Variants in EPN2 observed in about 807,000 individuals in gnomAD.
The protein encoded by EPN2 is epsin 2, also known as epsin-2.
Under a neutral mutation model 61.7 loss-of-function variants are expected in EPN2, and 34 were observed. The observed-to-expected ratio is 0.55, with a 90% CI of 0.42 to 0.73. The LOEUF is 0.73. Ranked by LOEUF, EPN2 falls within the 30% of genes least tolerant of loss-of-function variation. The probability of loss-of-function intolerance (pLI) is 0.00; values close to 1 mark genes in which losing one functional copy is unlikely to be tolerated. For missense variants in EPN2, 714 were observed against 839.2 expected, an observed-to-expected ratio of 0.85 and a Z score of 1.84; for synonymous variants, 349 against 353.6, an observed-to-expected ratio of 0.99 and a Z score of 0.15.
At chr17:19,294,523 C>A (rs548316293) in intron 4 of EPN2, among the ~76,000 whole-genome samples, 1 of 152,156 alleles carries the variant, frequency 6.6e-6, no homozygotes, top group Non-Finnish European at 1.5e-5. Context: ...TTTTAAGGAT[C>A]CTTTGTAGTA....
At chr17:19,329,866 C>G (rs1218949342) in intron 9 of EPN2, among the ~76,000 whole-genome samples, 2 of 152,208 alleles carry the variant, frequency 1.3e-5, no homozygotes, top group African/African-American at 4.8e-5. Context: ...GTTAGGATCC[C>G]CAAAGCTTCC....
chr17:19,272,696 A>G (rs1173254203), intron 1 of EPN2, among the ~76,000 whole-genome samples: 10 of 152,170 alleles, frequency 6.6e-5, no homozygotes, highest in Admixed American at 5.9e-4. Flanking sequence ...GCTGTTCATA[A>G]TTTGGTCATT....
chr17:19,319,656 A>AT lies in EPN2; in HGVS notation c.1147+6386dup, dbSNP rs553299482. Among the ~76,000 whole-genome samples the AT allele has an allele frequency of 4.9e-4, 64 of 131,384 alleles. 2 individuals carry two copies. The South Asian group carries it at 0.013, about 27-fold the overall frequency. 86.2% of individuals were successfully genotyped at this position (131,384 alleles called of 152,430 possible). ...CCTTTTTTTTTTATTTTTTATTTTT[A>AT]TTTTTTTTTGAGAGAAGGTTTCCCT... On this transcript the variant is annotated intron_variant, in intron 7 of 10. Coordinates refer to ENST00000314728, the MANE Select transcript of EPN2 (RefSeq NM_014964.5).
intron 1 of EPN2, among the ~76,000 whole-genome samples, chr17:19,249,862 G>A (rs1533034): frequency 6.6e-6 from 1 of 151,984 alleles, no homozygotes; most frequent in South Asian, 2.1e-4. Flanking sequence ...TGGAGGCTCT[G>A]GGGGGGAACC....
intron 1 of EPN2, among the ~76,000 whole-genome samples, chr17:19,244,809 A>AGGATGGTCTCGATCTCCTGACC (rs2044926972): frequency 6.6e-6 from 1 of 152,054 alleles, no homozygotes; most frequent in Non-Finnish European, 1.5e-5. Context: ...CTCATTTTGC[A>AGGATGGTCTCGATCTCCTGACC]TTTTAAAAAA....
rs891908276 is a variant in EPN2, at chr17:19,313,288, C to G, written c.1147+9C>G. The G allele has an allele frequency of 5.3e-6, 8 of 1,515,470 alleles. No homozygotes were observed. The highest frequency in any genetic ancestry group is 7.1e-6 in the Non-Finnish European group (8 of 1,134,598). The allele number at this position is 1,515,470 out of a possible 1,614,324, so 93.9% of individuals were successfully genotyped here. ...CCCCTGGCCATCGTTTGGTAAAGAC[C>G]CCATTACTGGTCTCCCGTGCTTGCC... is the stretch of plus-strand genomic sequence containing the variant. On this transcript the variant is annotated intron_variant, in intron 7 of 10. Coordinates refer to ENST00000314728, the MANE Select transcript of EPN2 (RefSeq NM_014964.5).
At chr17:19,298,338 G>A (rs933291043) in intron 4 of EPN2, among the ~76,000 whole-genome samples, 8 of 152,120 alleles carry the variant, frequency 5.3e-5, no homozygotes, top group Non-Finnish European at 1.0e-4. Context: ...GGGATTATAG[G>A]TGTGTGCCAC....
intron 1 of EPN2, among the ~76,000 whole-genome samples, chr17:19,260,924 T>A (rs1422800651): frequency 3.3e-5 from 5 of 152,186 alleles, no homozygotes; most frequent in African/African-American, 1.2e-4. Context: ...TAGAGATTTT[T>A]CCATATCAGT....
chr17:19,325,211 G>T (rs190732333), intron 7 of EPN2, among the ~76,000 whole-genome samples: 9 of 152,266 alleles, frequency 5.9e-5, no homozygotes, highest in Admixed American at 4.6e-4. Context: ...CTCCTTTAGA[G>T]AACAGGAAAA....
At chr17:19,249,702 A>G (rs1018607687) in intron 1 of EPN2, among the ~76,000 whole-genome samples, 17 of 152,224 alleles carry the variant, frequency 1.1e-4, no homozygotes, top group Admixed American at 9.2e-4. Flanking sequence ...CTTTCTAAAC[A>G]TTGAAATTGG....
In EPN2 at chr17:19,313,405, C is replaced by A; in HGVS notation, c.1147+126C>A. 5.0e-6 allele frequency: 4 copies of A among 804,316 alleles called. No homozygotes were observed. The South Asian group carries it at 6.7e-5, about 13-fold the overall frequency. 49.8% of individuals were successfully genotyped at this position (804,316 alleles called of 1,614,324 possible). A position where few individuals can be genotyped will look rare whatever the true frequency, so the allele number is the denominator to read the frequency against. On this transcript the variant is annotated intron_variant, in intron 7 of 10. Transcript: ENST00000314728. The stretch of plus-strand genomic sequence containing the variant: ...GTGGTGGGTGTCCAGGCTCCTCCAG[C>A]CCTCAGCAGTGATATCCAACTGGCC...
intron 4 of EPN2, among the ~76,000 whole-genome samples, chr17:19,294,489 G>A (rs1203447604): frequency 6.6e-6 from 1 of 152,188 alleles, no homozygotes; most frequent in African/African-American, 2.4e-5. Context: ...CATAGAAAAT[G>A]GATCAATACA....
chr17:19,295,249 T>C (rs1344015745), intron 4 of EPN2, among the ~76,000 whole-genome samples: 1 of 152,008 alleles, frequency 6.6e-6, no homozygotes, highest in Non-Finnish European at 1.5e-5. Flanking sequence ...GCATGAGTGC[T>C]AAATAAGCCT....
chr17:19,240,413 T>G (rs554094990), intron 1 of EPN2, among the ~76,000 whole-genome samples: 9 of 152,202 alleles, frequency 5.9e-5, no homozygotes, highest in African/African-American at 2.2e-4. Flanking sequence ...GCCCGGCTAA[T>G]TTTTGTATTT....
chr17:19,271,077 A>T (rs2045247965), intron 1 of EPN2, among the ~76,000 whole-genome samples: 1 of 152,046 alleles, frequency 6.6e-6, no homozygotes, highest in South Asian at 2.1e-4. Flanking sequence ...CTTCTGTGTC[A>T]CATGGAAGGT....
intron 1 of EPN2, among the ~76,000 whole-genome samples, chr17:19,258,649 T>C (rs1055167165): frequency 2.0e-5 from 3 of 152,226 alleles, no homozygotes; most frequent in African/African-American, 2.4e-5. Context: ...TGATTTAACC[T>C]AGAGAGCTAG....
intron 4 of EPN2, among the ~76,000 whole-genome samples, chr17:19,302,048 G>T (rs549946013): frequency 6.6e-6 from 1 of 152,186 alleles, no homozygotes; most frequent in Admixed American, 6.5e-5. Context: ...TCTGGGCCCC[G>T]GTGTCCTCAT....
chr17:19,330,264 C>G (rs1229069796), intron 9 of EPN2, among the ~76,000 whole-genome samples: 1 of 152,204 alleles, frequency 6.6e-6, no homozygotes, highest in Non-Finnish European at 1.5e-5. Context: ...CTGTCCATCT[C>G]TGGGCCACAT....
At chr17:19,259,160 C>T (rs763923891) in intron 1 of EPN2, among the ~76,000 whole-genome samples, 8 of 152,072 alleles carry the variant, frequency 5.3e-5, no homozygotes, top group Non-Finnish European at 8.8e-5. Flanking sequence ...TTTTGAAAAC[C>T]GCCCTATAAG....
Sources: allele counts gnomAD v4.1 joint callset (sites outside exome capture counted in the v4.1 genomes callset), GRCh38; gene constraint gnomAD v4.1.1; transcripts MANE v1.5; gene names NCBI Gene and HGNC (gene_info 2026-07-23, HGNC 2026-07-21).